The following UBAP1 variants were observed in gnomAD, a reference collection of about 807,000 sequenced individuals.
UBAP1 encodes ubiquitin associated protein 1, also known as ubiquitin-associated protein 1.
Under a neutral mutation model 39.0 loss-of-function variants are expected in UBAP1, and 5 were observed. The ratio of observed to expected loss-of-function variants is 0.13; its 90% CI spans 0.07 to 0.27. UBAP1 has a LOEUF of 0.27. Ranked by LOEUF, UBAP1 falls within the 10% of genes least tolerant of loss-of-function variation. The pLI is 1.00. For synonymous variants in UBAP1, 211 were observed against 225.1 expected (o/e 0.94, Z 0.56); for missense variants, 490 against 608.1 (o/e 0.81, Z 2.04).
At chr9:34,199,636 TTC>T (rs1017227743) in intron 1 of UBAP1, among the ~76,000 whole-genome samples, 76 of 151,810 alleles carry the variant, frequency 5.0e-4, no homozygotes, top group African/African-American at 1.5e-3. Context: ...TCTTTTTTTT[TTC>T]TCTCTCTTTT....
rs952617810 is a variant in UBAP1 at position 34,251,732 on chromosome 9, C to A, written c.*200C>A. On this transcript the variant is annotated 3_prime_UTR_variant, in exon 7 of 7. Transcript: ENST00000297661. ...GGGAAGATTCGGGCATGTGAGTGCC[C>A]CCAGAACTGTCCTGGCTCCTTCCGT... is the stretch of plus-strand genomic sequence containing the variant. 1.7e-6 allele frequency: 1 copy of A among 603,416 alleles called. No homozygotes were observed. The highest frequency in any genetic ancestry group is 1.8e-5 in the African/African-American group (1 of 54,062). The allele number at this position is 603,416 out of a possible 1,614,324, so 37.4% of individuals were successfully genotyped here. A position where few individuals can be genotyped will look rare whatever the true frequency, so the allele number is the denominator to read the frequency against.
chr9:34,190,333 A>G (rs1305373462), intron 1 of UBAP1, among the ~76,000 whole-genome samples: 4 of 152,198 alleles, frequency 2.6e-5, no homozygotes, highest in Non-Finnish European at 5.9e-5. Flanking sequence ...TCTGTCACCC[A>G]GACTGGAGTG....
At chr9:34,197,071 G>A (rs1217211486) in intron 1 of UBAP1, among the ~76,000 whole-genome samples, 1 of 151,794 alleles carries the variant, frequency 6.6e-6, no homozygotes, top group African/African-American at 2.4e-5. Flanking sequence ...GAGACTACAG[G>A]CGTGTGCCAC....
chr9:34,215,547 G>C (rs910875929), intron 1 of UBAP1, among the ~76,000 whole-genome samples: 1 of 138,024 alleles, frequency 7.2e-6, no homozygotes, highest in Admixed American at 7.4e-5. Flanking sequence ...GGGTTGGAGG[G>C]GGGTGAGGGA....
rs1412202176 is a variant in UBAP1, at chr9:34,193,204, G to T, written c.-8+13964G>T. Among the ~76,000 whole-genome samples the T allele has an allele frequency of 2.0e-5, 3 of 152,070 alleles. No individual in the cohort carries two copies. The South Asian group carries it at 6.2e-4, about 32-fold the overall frequency. On this transcript the variant is annotated intron_variant, in intron 1 of 6. Transcript: ENST00000297661. Reference sequence around the variant, plus strand: ...ATGCACCTAGAATCCCAGTTACTCAGGGGGGCTGAGGCAGGAGGATCGCTT... The same window carrying T: ...ATGCACCTAGAATCCCAGTTACTCATGGGGGCTGAGGCAGGAGGATCGCTT...
chr9:34,183,020 C>T (rs982420173), intron 1 of UBAP1, among the ~76,000 whole-genome samples: 3 of 151,840 alleles, frequency 2.0e-5, no homozygotes, highest in South Asian at 4.2e-4. Flanking sequence ...CCTCTTGATC[C>T]GCCCATCTCA....
intron 3 of UBAP1, among the ~76,000 whole-genome samples, chr9:34,236,363 T>C (rs1026782239): frequency 6.6e-6 from 1 of 152,192 alleles, no homozygotes; most frequent in Admixed American, 6.5e-5. Flanking sequence ...CCATCTAGGT[T>C]TGTGTAAATA....
chr9:34,212,634 A>G (rs975949949), intron 1 of UBAP1, among the ~76,000 whole-genome samples: 1 of 152,142 alleles, frequency 6.6e-6, no homozygotes, highest in Admixed American at 6.6e-5. Flanking sequence ...TTTAGGGAAA[A>G]TACAACCCTC....
At chr9:34,182,631 CT>C (rs1422453336) in intron 1 of UBAP1, among the ~76,000 whole-genome samples, 20 of 55,082 alleles carry the variant, frequency 3.6e-4, no homozygotes, top group African/African-American at 8.3e-4. Context: ...TTCTTTCTTT[CT>C]TTCTTTCTTT....
At chr9:34,232,841 ATTTAT>A (rs1205517907) in intron 2 of UBAP1, among the ~76,000 whole-genome samples, 1 of 152,210 alleles carries the variant, frequency 6.6e-6, no homozygotes, top group African/African-American at 2.4e-5. Flanking sequence ...GAAAAACAAA[ATTTAT>A]TTTATCAACT....
chr9:34,223,991 C>G, intron 2 of UBAP1: 1 of 431,136 alleles, frequency 2.3e-6, no homozygotes. Context: ...GATTTATTTG[C>G]CTTTCCGGAC....
chr9:34,188,853 A>G (rs1830559150), intron 1 of UBAP1, among the ~76,000 whole-genome samples: 1 of 152,104 alleles, frequency 6.6e-6, no homozygotes, highest in South Asian at 2.1e-4. Context: ...GCTACTCAGG[A>G]GGCTGAGGCA....
intron 2 of UBAP1, 29 bp from the exon 3 acceptor site, chr9:34,234,187 G>A: frequency 6.3e-7 from 1 of 1,579,134 alleles, no homozygotes. Flanking sequence ...GTTCTTTGCT[G>A]ATATTTTCTA....
At chr9:34,235,922 C>G (rs188087817) in intron 3 of UBAP1, among the ~76,000 whole-genome samples, 1 of 149,902 alleles carries the variant, frequency 6.7e-6, no homozygotes, top group African/African-American at 2.5e-5. Flanking sequence ...GAGACTCTTT[C>G]TGTCTCTATG....
At chr9:34,226,366 A>T (rs1410554783) in intron 2 of UBAP1, among the ~76,000 whole-genome samples, 1 of 151,418 alleles carries the variant, frequency 6.6e-6, no homozygotes, top group Non-Finnish European at 1.5e-5. Flanking sequence ...CCCCCTGAGT[A>T]GCTGGGATTA....
intron 1 of UBAP1, among the ~76,000 whole-genome samples, chr9:34,200,032 C>T (rs1831283396): frequency 1.3e-5 from 2 of 151,594 alleles, no homozygotes; most frequent in Non-Finnish European, 2.9e-5. Flanking sequence ...TTCTTAGTTT[C>T]TTCTGGTCTG....
At chr9:34,218,367 G>C (rs1368971293) in intron 1 of UBAP1, among the ~76,000 whole-genome samples, 1 of 144,390 alleles carries the variant, frequency 6.9e-6, no homozygotes, top group Non-Finnish European at 1.5e-5. Flanking sequence ...TCTAGGTGTT[G>C]TTTGGAAAAT....
At chr9:34,183,956 G>A (rs762754399) in intron 1 of UBAP1, among the ~76,000 whole-genome samples, 18 of 152,026 alleles carry the variant, frequency 1.2e-4, no homozygotes, top group Admixed American at 8.5e-4. Context: ...TTTTAGTAGA[G>A]ACGGGGTTTC....
intron 1 of UBAP1, among the ~76,000 whole-genome samples, chr9:34,192,507 C>A (rs114971721): frequency 0.015 from 1,647 of 106,968 alleles, 46 homozygotes; most frequent in African/African-American, 0.051. Flanking sequence ...TAGAATGAGA[C>A]TCCATCTCAA....
Sources: gnomAD v4.1 joint callset for allele counts (sites outside exome capture counted in the v4.1 genomes callset) on GRCh38, gnomAD v4.1.1 for gene constraint, MANE v1.5 for transcripts, NCBI Gene and HGNC (gene_info 2026-07-23, HGNC 2026-07-21) for gene names.